MACROD2: variants seen among roughly 807,000 people sequenced by gnomAD.
The protein encoded by MACROD2 is ADP-ribose glycohydrolase MACROD2.
In MACROD2, 36 loss-of-function variants were observed where a neutral mutation model predicts 70.4. The ratio of observed to expected loss-of-function variants is 0.51; its 90% CI spans 0.39 to 0.68. The LOEUF (loss-of-function observed/expected upper bound fraction) is 0.68. MACROD2 is among the 30% of genes least tolerant of loss of function. The pLI is 0.00. For synonymous variants in MACROD2, 172 were observed against 178.8 expected (o/e 0.96, Z 0.30); for missense variants, 496 against 538.4 (o/e 0.92, Z 0.78).
intron 3 of MACROD2, among the ~76,000 whole-genome samples, chr20:14,443,231 G>A (rs1182266887): frequency 2.6e-5 from 4 of 151,844 alleles, no homozygotes; most frequent in East Asian, 1.9e-4. Flanking sequence ...GGTAGAGGCT[G>A]GGACAAGGGT....
At chr20:15,807,209 A>G (rs1363442986) in intron 8 of MACROD2, among the ~76,000 whole-genome samples, 2 of 152,216 alleles carry the variant, frequency 1.3e-5, no homozygotes, top group Non-Finnish European at 2.9e-5. Flanking sequence ...ACCAAGCTCC[A>G]ACTACGACAT....
intron 4 of MACROD2, among the ~76,000 whole-genome samples, chr20:14,627,801 T>G (rs1318049772): frequency 6.6e-6 from 1 of 152,200 alleles, no homozygotes; most frequent in Admixed American, 6.5e-5. Flanking sequence ...TGAGGCAGTG[T>G]GCCAGGCATT....
In MACROD2 at chr20:14,607,667, C is replaced by G. The variant is rs530557723; in HGVS notation, c.302-77176C>G. Among the ~76,000 whole-genome samples the G allele has an allele frequency of 2.6e-5, 4 of 152,254 alleles. No individual in the cohort carries two copies. The East Asian group carries it at 7.7e-4, about 29-fold the overall frequency. On this transcript the variant is annotated intron_variant, in intron 4 of 17. Coordinates refer to ENST00000684519, the MANE Select transcript of MACROD2 (RefSeq NM_001351661.2). ...ACGATACTTAATACATTGCCTTCTT[C>G]AAATAAAACAGATTTCCTTTGTTAT...
chr20:14,634,251 C>T (rs184050139), intron 4 of MACROD2, among the ~76,000 whole-genome samples: 3 of 152,334 alleles, frequency 2.0e-5, no homozygotes, highest in Admixed American at 2.0e-4. Context: ...GCTTGAGTTA[C>T]ACTTTTCCAT....
chr20:15,493,718 T>A (rs1250721570), intron 7 of MACROD2, among the ~76,000 whole-genome samples: 1 of 152,178 alleles, frequency 6.6e-6, no homozygotes, highest in African/African-American at 2.4e-5. Context: ...CCCAGCAAAG[T>A]GAAAACCAGA....
chr20:15,862,253 C>A (rs1381665854), intron 8 of MACROD2, among the ~76,000 whole-genome samples: 1 of 152,178 alleles, frequency 6.6e-6, no homozygotes, highest in East Asian at 1.9e-4. Context: ...TGGCTTCATG[C>A]CAACTAAACT....
chr20:15,667,612 C>T (rs542928536), intron 8 of MACROD2, among the ~76,000 whole-genome samples: 8 of 152,254 alleles, frequency 5.3e-5, no homozygotes, highest in Non-Finnish European at 1.2e-4. Context: ...GCTGCACAAC[C>T]ATAGTATCAT....
intron 8 of MACROD2, among the ~76,000 whole-genome samples, chr20:15,846,383 C>A (rs1252574730): frequency 6.6e-6 from 1 of 152,144 alleles, no homozygotes; most frequent in Non-Finnish European, 1.5e-5. Flanking sequence ...TTAATTAGTT[C>A]TTTTCAATTG....
intron 6 of MACROD2, among the ~76,000 whole-genome samples, chr20:15,399,066 G>A (rs940258125): frequency 2.0e-5 from 3 of 151,944 alleles, no homozygotes; most frequent in Non-Finnish European, 2.9e-5. Flanking sequence ...ATTAATTATC[G>A]CTGTGCCATA....
intron 10 of MACROD2, among the ~76,000 whole-genome samples, chr20:15,894,676 T>C (rs190309279): frequency 6.6e-6 from 1 of 152,324 alleles, no homozygotes; most frequent in East Asian, 1.9e-4. Context: ...AGAAATAGCA[T>C]GTGTACTGGC....
intron 6 of MACROD2, among the ~76,000 whole-genome samples, chr20:15,355,823 A>C (rs2078280663): frequency 6.6e-6 from 1 of 152,230 alleles, no homozygotes; most frequent in South Asian, 2.1e-4. Flanking sequence ...TTATACCACA[A>C]GTCCCTTTCA....
chr20:15,416,752 A>C (rs561465312), intron 6 of MACROD2, among the ~76,000 whole-genome samples: 125 of 146,524 alleles, frequency 8.5e-4, no homozygotes, highest in African/African-American at 3.0e-3. Context: ...AAAATACAAA[A>C]AATTAGCGGG....
chr20:14,807,431 C>G (rs1191647576), intron 5 of MACROD2, among the ~76,000 whole-genome samples: 1 of 152,058 alleles, frequency 6.6e-6, no homozygotes, highest in Non-Finnish European at 1.5e-5. Context: ...AAAACTCCAT[C>G]CAAAGGTCAC....
Position 15,121,513 on chromosome 20 carries a change from CAA to C in MACROD2, c.419-108411_419-108410del, listed in dbSNP as rs5840653. 3.5e-3 allele frequency among the ~76,000 whole-genome samples: 425 copies of C among 122,012 alleles called. 1 individual carries two copies. Among genetic ancestry groups the C allele is most frequent in the African/African-American group, 0.011 (342 of 31,124 alleles). 80.0% of individuals were successfully genotyped at this position (122,012 alleles called of 152,430 possible). On this transcript the variant is annotated intron_variant, in intron 5 of 17. Coordinates refer to ENST00000684519, the MANE Select transcript of MACROD2 (RefSeq NM_001351661.2). ...AGGCAACAAGAGTGAAACTCTGCCT[CAA>C]AAAAAAAAAAAAAAAGAAAAAAGAA...
rs536258114 is a variant in MACROD2 at position 14,715,405 on chromosome 20, A to C, written c.418+30446A>C. On this transcript the variant is annotated intron_variant, in intron 5 of 17. Coordinates refer to ENST00000684519, the MANE Select transcript of MACROD2 (RefSeq NM_001351661.2). ...AAAAATTTCTATATTTGAAGGCCTC[A>C]GCTATTGGCAACATTACTTAATTTT... 1.4e-4 allele frequency among the ~76,000 whole-genome samples: 22 copies of C among 152,350 alleles called. No homozygotes were observed. The South Asian group carries it at 4.6e-3, about 32-fold the overall frequency.
At chr20:14,827,973 T>C (rs1327875293) in intron 5 of MACROD2, among the ~76,000 whole-genome samples, 2 of 152,076 alleles carry the variant, frequency 1.3e-5, no homozygotes, top group Non-Finnish European at 2.9e-5. Flanking sequence ...CACCATCTTT[T>C]GTTTTCCTTC....
chr20:15,700,851 C>A (rs2050447481), intron 8 of MACROD2, among the ~76,000 whole-genome samples: 3 of 152,150 alleles, frequency 2.0e-5, no homozygotes, highest in African/African-American at 7.2e-5. Flanking sequence ...GTAATAGAGA[C>A]AAAAGTTAGC....
At chr20:14,365,138 A>G (rs1449577155) in intron 3 of MACROD2, among the ~76,000 whole-genome samples, 1 of 151,990 alleles carries the variant, frequency 6.6e-6, no homozygotes, top group Non-Finnish European at 1.5e-5. Flanking sequence ...TACTGACTTA[A>G]TCTCTTTACT....
At chr20:14,814,127 G>A (rs2072746694) in intron 5 of MACROD2, among the ~76,000 whole-genome samples, 1 of 152,126 alleles carries the variant, frequency 6.6e-6, no homozygotes, top group Non-Finnish European at 1.5e-5. Flanking sequence ...CAGCAACTTT[G>A]TAGATAATCT....
Sources: allele counts gnomAD v4.1 joint callset (sites outside exome capture counted in the v4.1 genomes callset), GRCh38; gene constraint gnomAD v4.1.1; transcripts MANE v1.5; gene names NCBI Gene and HGNC (gene_info 2026-07-23, HGNC 2026-07-21).